The following TC2N variants were observed in gnomAD, a reference collection of about 807,000 sequenced individuals.
The protein encoded by TC2N is tandem C2 domains nuclear protein.
TC2N carries 51 observed loss-of-function variants against 61.9 expected under a neutral mutation model. The ratio of observed to expected loss-of-function variants is 0.82; its 90% CI spans 0.66 to 1.04. TC2N has a LOEUF of 1.04. Ranked by LOEUF, TC2N falls within the 50% of genes least tolerant of loss-of-function variation. TC2N has a pLI of 0.00. For synonymous variants in TC2N, 204 were observed against 192.6 expected (o/e 1.06, Z -0.49); for missense variants, 556 against 566.7 (o/e 0.98, Z 0.19).
intron 1 of TC2N, among the ~76,000 whole-genome samples, chr14:91,842,606 G>T (rs1276170011): frequency 6.6e-6 from 1 of 152,180 alleles, no homozygotes; most frequent in Admixed American, 6.5e-5. Context: ...GCCCAAACAT[G>T]TATCTTACTG....
At chr14:91,821,694 T>C (rs1887261734) in intron 1 of TC2N, among the ~76,000 whole-genome samples, 1 of 152,014 alleles carries the variant, frequency 6.6e-6, no homozygotes, top group Non-Finnish European at 1.5e-5. Flanking sequence ...AAAGACACCA[T>C]TAACAAAGTG....
intron 11 of TC2N, 52 bp downstream of exon 11, chr14:91,785,110 G>T: frequency 2.4e-6 from 3 of 1,254,304 alleles, no homozygotes; most frequent in South Asian, 1.3e-5. Context: ...TTTGTTAACT[G>T]ACTGTTTAAA....
At chr14:91,798,091 T>C (rs1329989118) in intron 7 of TC2N, among the ~76,000 whole-genome samples, 190 bp from the exon 8 acceptor site, 3 of 151,994 alleles carry the variant, frequency 2.0e-5, no homozygotes, top group Non-Finnish European at 4.4e-5. Context: ...AATTTCCCTC[T>C]TGAGCTTAAA....
At chr14:91,860,515 A>G (rs897821920) in intron 1 of TC2N, among the ~76,000 whole-genome samples, 12 of 152,326 alleles carry the variant, frequency 7.9e-5, no homozygotes, top group African/African-American at 2.9e-4. Context: ...ATTGATTAGC[A>G]TCTTCATGGG....
intron 1 of TC2N, among the ~76,000 whole-genome samples, chr14:91,819,431 C>A (rs895787334): frequency 2.0e-5 from 3 of 151,834 alleles, no homozygotes; most frequent in Non-Finnish European, 2.9e-5. Flanking sequence ...AAGAAAAAAA[C>A]CCATCAACCT....
intron 1 of TC2N, among the ~76,000 whole-genome samples, chr14:91,845,737 T>C (rs977855385): frequency 1.1e-4 from 17 of 152,212 alleles, no homozygotes; most frequent in African/African-American, 3.9e-4. Context: ...CAGCCTCGCA[T>C]TCCATGAAGA....
intron 1 of TC2N, among the ~76,000 whole-genome samples, chr14:91,822,536 G>C (rs530591544): frequency 6.6e-6 from 1 of 152,118 alleles, no homozygotes; most frequent in East Asian, 1.9e-4. Flanking sequence ...GAACTCCACT[G>C]CATGATTCAA....
chr14:91,800,824 A>G (rs1886194688), intron 4 of TC2N, among the ~76,000 whole-genome samples: 1 of 152,040 alleles, frequency 6.6e-6, no homozygotes, highest in Non-Finnish European at 1.5e-5. Context: ...TCTGTGAAGA[A>G]AGGAACTTTG....
At chr14:91,850,998 A>G (rs780519352) in intron 1 of TC2N, among the ~76,000 whole-genome samples, 3 of 152,232 alleles carry the variant, frequency 2.0e-5, no homozygotes, top group Non-Finnish European at 2.9e-5. Context: ...CTCAGGTGGG[A>G]CCATCTAGTT....
At chr14:91,852,253 C>T (rs536290227) in intron 1 of TC2N, among the ~76,000 whole-genome samples, 1 of 152,192 alleles carries the variant, frequency 6.6e-6, no homozygotes, top group Admixed American at 6.5e-5. Flanking sequence ...CATGGAGAAA[C>T]CCCGTCTCTA....
intron 9 of TC2N, among the ~76,000 whole-genome samples, chr14:91,791,038 T>C (rs544340611): frequency 2.6e-5 from 4 of 151,306 alleles, no homozygotes; most frequent in South Asian, 4.2e-4. Context: ...GAGGCTGACA[T>C]GGGAGGATTG....
chr14:91,802,192 A>G (rs1221553844), intron 4 of TC2N, 62 bp downstream of exon 4: 1 of 1,399,592 alleles, frequency 7.1e-7, no homozygotes, highest in African/African-American at 1.5e-5. Flanking sequence ...CATATCTTAC[A>G]TTTGATTTCT....
intron 5 of TC2N, among the ~76,000 whole-genome samples, chr14:91,799,700 C>T (rs1179823836): frequency 6.6e-6 from 1 of 152,024 alleles, no homozygotes; most frequent in African/African-American, 2.4e-5. Context: ...CACATGGAAA[C>T]AAGACCATGA....
chr14:91,839,647 A>G (rs1411364180), intron 1 of TC2N, among the ~76,000 whole-genome samples: 3 of 152,248 alleles, frequency 2.0e-5, no homozygotes, highest in Non-Finnish European at 4.4e-5. Context: ...TTGTGAAATA[A>G]TTTTACAAAT....
At chr14:91,864,571 T>C (rs984273954) in intron 1 of TC2N, among the ~76,000 whole-genome samples, 1 of 152,074 alleles carries the variant, frequency 6.6e-6, no homozygotes, top group Non-Finnish European at 1.5e-5. Context: ...TCATTCTGAG[T>C]AGAAGGTTGG....
intron 1 of TC2N, among the ~76,000 whole-genome samples, chr14:91,829,410 A>G (rs1887648074): frequency 6.6e-6 from 1 of 151,982 alleles, no homozygotes; most frequent in Non-Finnish European, 1.5e-5. Context: ...TGAATGATTT[A>G]TTCTATCTTC....
intron 1 of TC2N, among the ~76,000 whole-genome samples, chr14:91,840,160 A>C (rs1888138142): frequency 6.6e-6 from 1 of 152,232 alleles, no homozygotes; most frequent in Non-Finnish European, 1.5e-5. Context: ...GATTGGCTTC[A>C]TAGAACAAAG....
chr14:91,793,896 T>C (rs1885779024), intron 8 of TC2N, among the ~76,000 whole-genome samples: 1 of 152,182 alleles, frequency 6.6e-6, no homozygotes, highest in Non-Finnish European at 1.5e-5. Context: ...GTGAGGAAGC[T>C]ATGCTGAAAG....
chr14:91,859,474 C>A (rs920379608), intron 1 of TC2N, among the ~76,000 whole-genome samples: 3 of 152,190 alleles, frequency 2.0e-5, no homozygotes, highest in African/African-American at 7.2e-5. Flanking sequence ...CTGAAGCTTT[C>A]CCCTTCTCTG....
Sources: gnomAD v4.1 joint callset for allele counts (sites outside exome capture counted in the v4.1 genomes callset) on GRCh38, gnomAD v4.1.1 for gene constraint, MANE v1.5 for transcripts, NCBI Gene and HGNC (gene_info 2026-07-23, HGNC 2026-07-21) for gene names.